The following GABRB3 variants were observed in gnomAD, a reference collection of about 807,000 sequenced individuals.
GABRB3 encodes the protein gamma-aminobutyric acid type A receptor subunit beta3.
In GABRB3, 14 loss-of-function variants were observed where a neutral mutation model predicts 52.1. That is an observed-to-expected ratio of 0.27 (90% confidence interval 0.18 to 0.42). The LOEUF (loss-of-function observed/expected upper bound fraction) is 0.42. Among genes scored for constraint, GABRB3 ranks in the 10% least tolerant of loss-of-function variants. The probability of loss-of-function intolerance (pLI) is 1.00; values close to 1 mark genes in which losing one functional copy is unlikely to be tolerated. For synonymous variants in GABRB3, 260 were observed against 232.3 expected (o/e 1.12, Z -1.08); for missense variants, 307 against 609.1 (o/e 0.50, Z 5.22).
At chr15:26,755,227 G>C (rs986567898) in intron 3 of GABRB3, among the ~76,000 whole-genome samples, 1 of 151,908 alleles carries the variant, frequency 6.6e-6, no homozygotes, top group Admixed American at 6.6e-5. Context: ...GGATGGTCTC[G>C]ATCTCCTGAC....
chr15:26,695,193 C>A (rs1166443091), intron 3 of GABRB3, among the ~76,000 whole-genome samples: 1 of 151,866 alleles, frequency 6.6e-6, no homozygotes, highest in Non-Finnish European at 1.5e-5. Flanking sequence ...AAATGACCCC[C>A]AAAAAATGTA....
intron 3 of GABRB3, among the ~76,000 whole-genome samples, chr15:26,721,536 G>A (rs945385224): frequency 2.6e-5 from 4 of 151,774 alleles, no homozygotes; most frequent in African/African-American, 9.7e-5. Flanking sequence ...TCTTTGAGAT[G>A]TACTCATTTC....
chr15:26,732,571 AT>A (rs141533099), intron 3 of GABRB3, among the ~76,000 whole-genome samples: 35,402 of 147,486 alleles, frequency 0.24, 4,303 homozygotes, highest in Non-Finnish European at 0.26. Flanking sequence ...TCCCAAAAAA[AT>A]TTTTTTTTTT....
chr15:26,693,709 T>G (rs1005922691), intron 3 of GABRB3, among the ~76,000 whole-genome samples: 42 of 152,046 alleles, frequency 2.8e-4, no homozygotes, highest in African/African-American at 8.5e-4. Context: ...GAGAGAGAGA[T>G]AGATACAGAG....
intron 4 of GABRB3, chr15:26,615,305 G>A: frequency 1.0e-6 from 1 of 985,380 alleles, no homozygotes; most frequent in South Asian, 4.7e-5. Flanking sequence ...AATTGTCAAG[G>A]ATTTATGTTT....
At chr15:26,758,161 G>A (rs1032423801) in intron 3 of GABRB3, among the ~76,000 whole-genome samples, 1 of 151,872 alleles carries the variant, frequency 6.6e-6, no homozygotes, top group African/African-American at 2.4e-5. Context: ...AAATAGTTTA[G>A]TAATATGTAA....
In GABRB3 at chr15:26,548,030, A is replaced by G; in HGVS notation, c.1185T>C (p.Phe395=). The G allele has an allele frequency of 1.9e-6, 3 of 1,614,166 alleles. No homozygotes were observed. In the South Asian group the frequency reaches 3.3e-5, roughly 18 times the overall value. Residue 395 remains phenylalanine (F), a synonymous_variant, in exon 9 of 9, where the codon TTT becomes TTC. Coordinates refer to ENST00000311550, the MANE Select transcript of GABRB3 (RefSeq NM_000814.6). ...IGDTRNSAIS[F]DNSGIQYRKQ... is the part of the protein sequence containing the mutation. Reference sequence around the variant, plus strand: ...TCCTGTACTGGATTCCTGAGTTGTCAAAGGATATTGCTGAATTCCTGGTAT... The same window carrying G: ...TCCTGTACTGGATTCCTGAGTTGTCGAAGGATATTGCTGAATTCCTGGTAT...
chr15:26,612,549 A>T (rs1461389074), intron 4 of GABRB3: 3 of 152,212 alleles, frequency 2.0e-5, no homozygotes, highest in Non-Finnish European at 2.9e-5. Context: ...AGAAATGTTA[A>T]GTTAAAAATG....
chr15:26,713,535 C>T (rs1392987988), intron 3 of GABRB3, among the ~76,000 whole-genome samples: 1 of 152,050 alleles, frequency 6.6e-6, no homozygotes, highest in Non-Finnish European at 1.5e-5. Context: ...ATGATCCAGC[C>T]TGGAGGTCTG....
chr15:26,729,951 T>C (rs1595555422), intron 3 of GABRB3, among the ~76,000 whole-genome samples: 1 of 152,204 alleles, frequency 6.6e-6, no homozygotes, highest in African/African-American at 2.4e-5. Flanking sequence ...CCTCAGTACC[T>C]AGAACCAAGT....
chr15:26,567,436 T>A, intron 7 of GABRB3, 145 bp downstream of exon 7: 1 of 736,530 alleles, frequency 1.4e-6, no homozygotes. Context: ...GTGAAATTAG[T>A]GTTTCAAGAT....
chr15:26,694,997 CT>C, intron 3 of GABRB3, among the ~76,000 whole-genome samples: 1 of 152,116 alleles, frequency 6.6e-6, no homozygotes, highest in Non-Finnish European at 1.5e-5. Flanking sequence ...TCAATAGAGA[CT>C]TTTCAAACTG....
intron 8 of GABRB3, among the ~76,000 whole-genome samples, chr15:26,558,827 A>G (rs1017130451): frequency 6.6e-6 from 1 of 151,516 alleles, no homozygotes; most frequent in African/African-American, 2.4e-5. Flanking sequence ...AACAAGAGCG[A>G]AACTCCATCT....
intron 8 of GABRB3, among the ~76,000 whole-genome samples, chr15:26,552,013 T>C (rs1221513293): frequency 1.3e-5 from 2 of 152,168 alleles, no homozygotes; most frequent in East Asian, 3.9e-4. Flanking sequence ...TTTGACTTTT[T>C]TTTTTTTTTT....
At position 26,564,959 on chromosome 15, in the gene GABRB3, C is replaced by T. The variant is rs548942014; in HGVS notation, c.835+2622G>A. On this transcript the variant is annotated intron_variant, in intron 7 of 8. Transcript: ENST00000311550. Reference sequence around the variant, plus strand: ...TCATACTAACTGGATTGAAATCTTTCTTCTGAAACTTGGTAATTATATGAC... The same window carrying T: ...TCATACTAACTGGATTGAAATCTTTTTTCTGAAACTTGGTAATTATATGAC... 7.2e-5 allele frequency among the ~76,000 whole-genome samples: 11 copies of T among 152,278 alleles called. No individual in the cohort carries two copies. In the South Asian group the frequency reaches 2.3e-3, roughly 32 times the overall value.
At chr15:26,570,236 CAT>C (rs1890343457) in intron 6 of GABRB3, among the ~76,000 whole-genome samples, 1 of 152,206 alleles carries the variant, frequency 6.6e-6, no homozygotes, top group Non-Finnish European at 1.5e-5. Flanking sequence ...GAGGTGAAAA[CAT>C]ATGTGGATTT....
chr15:26,593,604 A>G (rs541574237), intron 4 of GABRB3, among the ~76,000 whole-genome samples: 6 of 152,308 alleles, frequency 3.9e-5, no homozygotes, highest in South Asian at 2.1e-4. Flanking sequence ...TTCAATTACT[A>G]TATTTTTTTC....
intron 3 of GABRB3, among the ~76,000 whole-genome samples, chr15:26,704,984 A>T (rs1173400252): frequency 6.6e-6 from 1 of 152,154 alleles, no homozygotes; most frequent in Non-Finnish European, 1.5e-5. Flanking sequence ...CCAAGCACTA[A>T]CCACTGCCCA....
At chr15:26,728,846 A>G (rs1457507274) in intron 3 of GABRB3, among the ~76,000 whole-genome samples, 3 of 152,164 alleles carry the variant, frequency 2.0e-5, no homozygotes, top group Non-Finnish European at 4.4e-5. Flanking sequence ...CATCCCTTAT[A>G]TAGGCAAAGC....
Sources: gnomAD v4.1 joint callset for allele counts (sites outside exome capture counted in the v4.1 genomes callset) on GRCh38, gnomAD v4.1.1 for gene constraint, MANE v1.5 for transcripts, NCBI Gene and HGNC (gene_info 2026-07-23, HGNC 2026-07-21) for gene names.